Variants in RBBP8 observed in about 807,000 individuals in gnomAD.
The protein encoded by RBBP8 is DNA endonuclease RBBP8.
A neutral mutation model predicts 108.3 loss-of-function variants in RBBP8; 88 were observed. The ratio of observed to expected loss-of-function variants is 0.81; its 90% CI spans 0.68 to 0.97. The LOEUF (loss-of-function observed/expected upper bound fraction) is 0.97, where lower values mean the gene tolerates loss of function less well. RBBP8 is among the 50% of genes least tolerant of loss of function. The pLI is 0.00. For synonymous variants in RBBP8, 332 were observed against 348.2 expected (o/e 0.95, Z 0.52); for missense variants, 1,023 against 1,049.0 (o/e 0.98, Z 0.34).
chr18:22,966,719 CTTTTTTTT>C (rs796853895), intron 4 of RBBP8, among the ~76,000 whole-genome samples: 21,261 of 128,082 alleles, frequency 0.17, 1,887 homozygotes, highest in African/African-American at 0.3. Flanking sequence ...TACTTACTAT[CTTTTTTTT>C]TTTTTTTTTT....
chr18:23,006,171 G>GCAAGA (rs767398931), intron 15 of RBBP8, among the ~76,000 whole-genome samples, 192 bp from the exon 16 acceptor site: 57 of 150,838 alleles, frequency 3.8e-4, no homozygotes, highest in Non-Finnish European at 6.8e-4. Flanking sequence ...AAGCAACAGA[G>GCAAGA]CAAGACACCG....
At chr18:22,941,921 A>T (rs1377417007) in intron 2 of RBBP8, among the ~76,000 whole-genome samples, 1 of 152,122 alleles carries the variant, frequency 6.6e-6, no homozygotes, top group African/African-American at 2.4e-5. Context: ...GTATTAAATG[A>T]ATAAGTACTA....
intron 15 of RBBP8, among the ~76,000 whole-genome samples, chr18:23,003,649 C>G (rs2045985042): frequency 6.6e-6 from 1 of 152,146 alleles, no homozygotes; most frequent in Non-Finnish European, 1.5e-5. Flanking sequence ...AAGTTCTGAG[C>G]TCTAGGTTTT....
chr18:22,986,315 AGAC>A lies in RBBP8; in HGVS notation c.709+1326_709+1328del, dbSNP rs537185236. On this transcript the variant is annotated intron_variant, in intron 8 of 18. Transcript: ENST00000327155. Reference sequence around the variant, plus strand: ...AATGCTAATAAGTCAAGTAAGATGAAGACTTCTTAGAATTGACCATGAGATTTG... The same window carrying A: ...AATGCTAATAAGTCAAGTAAGATGAATTCTTAGAATTGACCATGAGATTTG... Among the ~76,000 whole-genome samples, 7 of 152,338 alleles carry A rather than the reference AGAC, an allele frequency of 4.6e-5. No individual in the cohort carries two copies. The East Asian group carries it at 1.4e-3, about 29-fold the overall frequency.
At chr18:22,957,291 C>CTTTTTTTTTTTTTT (rs11418623) in intron 4 of RBBP8, among the ~76,000 whole-genome samples, 7 of 92,872 alleles carry the variant, frequency 7.5e-5, no homozygotes, top group South Asian at 3.9e-4. Flanking sequence ...ATTACTTTTT[C>CTTTTTTTTTTTTTT]TTTTTTTTTT....
chr18:22,996,542 G>C (rs2045862621), intron 13 of RBBP8, 80 bp downstream of exon 13: 1 of 1,568,870 alleles, frequency 6.4e-7, no homozygotes. Flanking sequence ...GTGACTCACT[G>C]TATCACCTTA....
At chr18:22,998,841 C>T (rs1348556823) in intron 14 of RBBP8, among the ~76,000 whole-genome samples, 1 of 152,186 alleles carries the variant, frequency 6.6e-6, no homozygotes, top group Non-Finnish European at 1.5e-5. Context: ...TATGATGAAG[C>T]AGATGGTTAC....
At position 22,922,213 on chromosome 18, in the gene RBBP8, G is replaced by A. The variant is rs1017642979; in HGVS notation, c.-154+5187G>A. On this transcript the variant is annotated intron_variant, in intron 3 of 4. Transcript: ENST00000577588. The stretch of plus-strand genomic sequence containing the variant: ...TATGTAAACTTAGTTCAGAGAAAGC[G>A]AAGGAGAAATAGGTGCAAAGAAAAA... Among the ~76,000 whole-genome samples, 8 of 152,046 alleles carry A rather than the reference G, an allele frequency of 5.3e-5. No individual in the cohort carries two copies. The South Asian group carries it at 8.3e-4, about 16-fold the overall frequency.
At chr18:22,955,819 A>T (rs574408558) in intron 4 of RBBP8, among the ~76,000 whole-genome samples, 1 of 152,204 alleles carries the variant, frequency 6.6e-6, no homozygotes, top group South Asian at 2.1e-4. Context: ...TGACCTCGTG[A>T]TCTGCCCACC....
intron 18 of RBBP8, 73 bp downstream of exon 18, chr18:23,022,343 A>G (rs2046359958): frequency 2.1e-6 from 3 of 1,444,472 alleles, no homozygotes; most frequent in Non-Finnish European, 2.9e-6. Flanking sequence ...GCTCACGCCT[A>G]TAATCCCAAC....
chr18:22,960,601 A>G (rs1913010401), intron 4 of RBBP8, among the ~76,000 whole-genome samples: 1 of 152,214 alleles, frequency 6.6e-6, no homozygotes, highest in Admixed American at 6.5e-5. Flanking sequence ...TTTATAAAAA[A>G]AAAGTTTTTT....
intron 8 of RBBP8, among the ~76,000 whole-genome samples, chr18:22,988,639 G>T (rs1915485035): frequency 6.6e-6 from 1 of 152,044 alleles, no homozygotes; most frequent in South Asian, 2.1e-4. Flanking sequence ...TTCTATTGCA[G>T]TTCTCTTTTT....
At chr18:22,940,028 A>G (rs1910935083) in intron 2 of RBBP8, among the ~76,000 whole-genome samples, 1 of 150,990 alleles carries the variant, frequency 6.6e-6, no homozygotes, top group Non-Finnish European at 1.5e-5. Flanking sequence ...CTAAGAGGAA[A>G]TGGAATGGGA....
chr18:22,932,715 C>G (rs1910114812), upstream of RBBP8, among the ~76,000 whole-genome samples: 1 of 152,084 alleles, frequency 6.6e-6, no homozygotes, highest in Admixed American at 6.6e-5. Flanking sequence ...ATAGGAATAC[C>G]TACTATCGGT....
chr18:22,986,115 C>G (rs973532769), intron 8 of RBBP8, among the ~76,000 whole-genome samples: 4 of 151,684 alleles, frequency 2.6e-5, no homozygotes, highest in South Asian at 2.1e-4. Context: ...TTTGCTCCCC[C>G]CTGCCCCGAA....
intron 3 of RBBP8, among the ~76,000 whole-genome samples, chr18:22,923,425 T>C (rs976346554): frequency 2.0e-5 from 3 of 152,240 alleles, no homozygotes; most frequent in African/African-American, 7.2e-5. Flanking sequence ...GCCTTCTGCC[T>C]GGAAAGCCTT....
At chr18:23,026,083 T>C (rs991137652) in intron 18 of RBBP8, 60 bp from the exon 19 acceptor site, 15 of 1,300,362 alleles carry the variant, frequency 1.2e-5, no homozygotes, top group South Asian at 3.7e-5. Flanking sequence ...TTACTAGATA[T>C]AAGCTGAAAG....
chr18:22,930,962 A>G (rs928580959), upstream of RBBP8, among the ~76,000 whole-genome samples: 1 of 152,084 alleles, frequency 6.6e-6, no homozygotes, highest in African/African-American at 2.4e-5. Context: ...TTAGAATAGG[A>G]GACAAGATTT....
At chr18:23,019,823 G>A (rs1206879184) in intron 17 of RBBP8, among the ~76,000 whole-genome samples, 1 of 147,450 alleles carries the variant, frequency 6.8e-6, no homozygotes, top group African/African-American at 2.5e-5. Flanking sequence ...GCACAGTGGC[G>A]CGATTTCGGC....
Sources: gnomAD v4.1 joint callset for allele counts (sites outside exome capture counted in the v4.1 genomes callset) on GRCh38, gnomAD v4.1.1 for gene constraint, MANE v1.5 for transcripts, NCBI Gene and HGNC (gene_info 2026-07-23, HGNC 2026-07-21) for gene names.